QTGAL: variants seen among roughly 807,000 people sequenced by gnomAD.
QTGAL encodes the protein BGnT-like protein 1.
the QTGAL span, chr17:83,048,971 C>T: frequency 1.7e-6 from 1 of 592,506 alleles, no homozygotes; most frequent in Non-Finnish European, 3.0e-6. Context: ...GAACTGCCTT[C>T]TACATGTTTT....
chr17:83,008,239 CTT>C, the QTGAL span, among the ~76,000 whole-genome samples: 1 of 152,244 alleles, frequency 6.6e-6, no homozygotes, highest in Non-Finnish European at 1.5e-5. Context: ...GGCTGGCTAA[CTT>C]TCTCCAGGTT....
At chr17:82,965,159 C>CG in the QTGAL span, among the ~76,000 whole-genome samples, 539 of 131,508 alleles carry the variant, frequency 4.1e-3, 6 homozygotes, top group African/African-American at 0.017. Flanking sequence ...TGCACTCCCA[C>CG]GGGGGGGATG....
chr17:82,946,813 G>T, the QTGAL span: 1 of 1,281,638 alleles, frequency 7.8e-7, no homozygotes, highest in Non-Finnish European at 1.1e-6. Context: ...AATAAGAGCA[G>T]AATGAAAAGG....
At chr17:82,983,350 T>A in the QTGAL span, among the ~76,000 whole-genome samples, 3 of 152,194 alleles carry the variant, frequency 2.0e-5, no homozygotes, top group East Asian at 3.9e-4. Flanking sequence ...CAACCTTTTT[T>A]AATTGGGTAG....
the QTGAL span, among the ~76,000 whole-genome samples, chr17:82,999,872 T>C: frequency 6.6e-6 from 1 of 152,194 alleles, no homozygotes; most frequent in Non-Finnish European, 1.5e-5. Flanking sequence ...GGTCCTAGGG[T>C]GTCACTCAAG....
At chr17:82,965,705 C>A in the QTGAL span, 1 of 1,612,756 alleles carries the variant, frequency 6.2e-7, no homozygotes, top group East Asian at 2.2e-5. Flanking sequence ...GCGAGCAGAA[C>A]CAGGTGGGCA....
At chr17:82,956,790 C>A in the QTGAL span, 2 of 1,564,434 alleles carry the variant, frequency 1.3e-6, no homozygotes, top group Non-Finnish European at 8.7e-7. The surrounding 1 kb of genome is among the most constrained non-coding windows in gnomAD (Gnocchi z 5.7). Flanking sequence ...CAGTGGCCAT[C>A]AGTCCTGCCC....
chr17:82,991,933 G>T, the QTGAL span, among the ~76,000 whole-genome samples: 1 of 152,120 alleles, frequency 6.6e-6, no homozygotes, highest in African/African-American at 2.4e-5. Flanking sequence ...GAATGAATCA[G>T]AACTTTTTAA....
At chr17:83,034,175 G>C in the QTGAL span, among the ~76,000 whole-genome samples, 1 of 150,090 alleles carries the variant, frequency 6.7e-6, no homozygotes, top group Non-Finnish European at 1.5e-5. Flanking sequence ...CCTGACCTCA[G>C]GTGATCCATC....
At chr17:83,026,528 C>T in the QTGAL span, among the ~76,000 whole-genome samples, 13 of 149,700 alleles carry the variant, frequency 8.7e-5, no homozygotes, top group East Asian at 2.0e-4. Context: ...ACACACAGAG[C>T]GGAGTGGGGA....
chr17:82,980,570 G>A, the QTGAL span, among the ~76,000 whole-genome samples: 4 of 152,162 alleles, frequency 2.6e-5, no homozygotes, highest in Non-Finnish European at 5.9e-5. Flanking sequence ...TAATTTTCTA[G>A]AGGGACCCAC....
chr17:82,956,940 C>G, the QTGAL span: 1 of 967,584 alleles, frequency 1.0e-6, no homozygotes, highest in East Asian at 2.6e-5. The surrounding 1 kb of genome is among the most constrained non-coding windows in gnomAD (Gnocchi z 5.7). Flanking sequence ...AGGAACCCGG[C>G]TCCCGCCACC....
chr17:83,048,382 C>A, the QTGAL span: 1 of 1,194,022 alleles, frequency 8.4e-7, no homozygotes, highest in South Asian at 1.3e-5. Flanking sequence ...TACTTTTTGT[C>A]AGTATTTGAA....
At chr17:82,994,244 A>C in the QTGAL span, among the ~76,000 whole-genome samples, 121 of 152,242 alleles carry the variant, frequency 7.9e-4, 1 homozygote, top group East Asian at 0.017. Context: ...CAAAATTGAT[A>C]AACTTTTAGC....
chr17:82,998,963 TAAA>T, the QTGAL span, among the ~76,000 whole-genome samples: 1 of 147,762 alleles, frequency 6.8e-6, no homozygotes, highest in African/African-American at 2.5e-5. Context: ...TAGCTAAAAT[TAAA>T]AAAAAAAAAA....
At chr17:83,017,791 C>T in the QTGAL span, among the ~76,000 whole-genome samples, 5 of 152,038 alleles carry the variant, frequency 3.3e-5, no homozygotes, top group Admixed American at 6.5e-5. Context: ...AGGTACCGCA[C>T]GTGCTCCATG....
At chr17:83,030,009 C>T in the QTGAL span, among the ~76,000 whole-genome samples, 1 of 152,202 alleles carries the variant, frequency 6.6e-6, no homozygotes, top group South Asian at 2.1e-4. Context: ...CAGTTAGTCG[C>T]TACCCACGAA....
chr17:82,992,106 A>G, the QTGAL span, among the ~76,000 whole-genome samples: 2 of 152,292 alleles, frequency 1.3e-5, no homozygotes, highest in East Asian at 3.9e-4. Flanking sequence ...TATTGGCCCT[A>G]AAAAGGAGGT....
At chr17:83,011,197 G>T in the QTGAL span, among the ~76,000 whole-genome samples, 1 of 152,240 alleles carries the variant, frequency 6.6e-6, no homozygotes. Context: ...GGGGCGAGAG[G>T]AGGAGGAAGG....
Sources: allele counts gnomAD v4.1 joint callset (sites outside exome capture counted in the v4.1 genomes callset), GRCh38; gene constraint gnomAD v4.1.1; non-coding constraint Gnocchi (gnomAD v3.1); transcripts MANE v1.5; gene names NCBI Gene and HGNC (gene_info 2026-07-23, HGNC 2026-07-21).